The following SLC30A3 variants were observed in gnomAD, a reference collection of about 807,000 sequenced individuals.
SLC30A3 encodes the protein probable proton-coupled zinc antiporter SLC30A3.
SLC30A3 carries 20 observed loss-of-function variants against 35.6 expected under a neutral mutation model. The observed-to-expected ratio is 0.56, with a 90% CI of 0.39 to 0.82. The LOEUF (loss-of-function observed/expected upper bound fraction) is 0.82, where lower values mean the gene tolerates loss of function less well. Ranked by LOEUF, SLC30A3 falls within the 40% of genes least tolerant of loss-of-function variation. SLC30A3 has a pLI of 0.00. For missense variants in SLC30A3, 401 were observed against 530.6 expected, an observed-to-expected ratio of 0.76 and a Z score of 2.40; for synonymous variants, 217 against 224.7, an observed-to-expected ratio of 0.97 and a Z score of 0.31.
chr2:27,270,064 A>G (rs1007445902), intron 1 of SLC30A3, among the ~76,000 whole-genome samples: 4 of 152,220 alleles, frequency 2.6e-5, no homozygotes, highest in Non-Finnish European at 5.9e-5. Flanking sequence ...TTCCCAAAAC[A>G]TAACCTGATG....
In SLC30A3 at chr2:27,255,129, C is replaced by CACTTTGGT; in HGVS notation, c.*175_*182dup. Reference sequence around the variant, plus strand: ...CTGACTCCCACCCCACTCCCCGCCACACTTTGGTCTTGCCCACTGGGGCTG... The same window carrying CACTTTGGT: ...CTGACTCCCACCCCACTCCCCGCCACACTTTGGTACTTTGGTCTTGCCCACTGGGGCTG... On this transcript the variant is annotated 3_prime_UTR_variant, in exon 8 of 8. Transcript: ENST00000233535. The surrounding 1 kb of genome is among the most constrained non-coding windows in gnomAD (Gnocchi z 5.2). 1 of 1,552,736 alleles carries CACTTTGGT rather than the reference C, an allele frequency of 6.4e-7. No homozygotes were observed.
In SLC30A3 at chr2:27,256,297, T is replaced by C; in HGVS notation, c.1018+89A>G. 2.0e-6 allele frequency: 3 copies of C among 1,483,250 alleles called. No individual in the cohort carries two copies. The South Asian group carries it at 3.5e-5, about 17-fold the overall frequency. The allele number at this position is 1,483,250 out of a possible 1,614,324, so 91.9% of individuals were successfully genotyped here. On this transcript the variant is annotated intron_variant, in intron 7 of 7. Coordinates refer to ENST00000233535, the MANE Select transcript of SLC30A3 (RefSeq NM_003459.5). ...GAAACAGAGACAGATCAAAAAAGAC[T>C]GAAACAATTCCAGTAACTCAAGCTA... is the stretch of plus-strand genomic sequence containing the variant.
intron 6 of SLC30A3, 96 bp downstream of exon 6, chr2:27,256,692 C>G: frequency 7.8e-7 from 1 of 1,280,744 alleles, no homozygotes; most frequent in Non-Finnish European, 1.1e-6. Context: ...GCCAAGCCTT[C>G]TTCCCGTACT....
chr2:27,258,855 G>T lies in SLC30A3; in HGVS notation c.175C>A (p.Pro59Thr). 3.1e-6 allele frequency: 5 copies of T among 1,614,132 alleles called. No homozygotes were observed. The highest frequency in any genetic ancestry group is 4.2e-6 in the Non-Finnish European group (5 of 1,179,982). The change falls in exon 2 of 8, where the codon CCC (proline) becomes ACC (threonine). Residue 59 changes from proline (P) to threonine (T), a missense_variant. By Grantham distance (38) the Pro-to-Thr change is conservative. Transcript: ENST00000233535. This position sits in a 1 kb window ranked among gnomAD's most constrained non-coding sequence, Gnocchi z 4.0. ...GGGGTAAGGCCCGGCGGCGGAAGGG[G>T]GTCCCTGTGGCAGTGGTGGAAGGGC... ...EMPFHHCHRD[P>T]LPPPGLTPER...
At chr2:27,266,628 G>A (rs1348745421), upstream of SLC30A3, among the ~76,000 whole-genome samples, 2 of 152,170 alleles carry the variant, frequency 1.3e-5, no homozygotes. Flanking sequence ...CTGGCTGGTG[G>A]CTCACACCTA....
chr2:27,261,415 T>G (rs1184145030), intron 1 of SLC30A3, among the ~76,000 whole-genome samples: 1 of 152,096 alleles, frequency 6.6e-6, no homozygotes, highest in Non-Finnish European at 1.5e-5. Context: ...AATGGTCATA[T>G]GAGTGAAGAT....
At chr2:27,273,051 A>AAT (rs1553376592) in intron 1 of SLC30A3, among the ~76,000 whole-genome samples, 5,654 of 145,266 alleles carry the variant, frequency 0.039, 349 homozygotes, top group African/African-American at 0.12. Context: ...AAAAAAAAAA[A>AAT]ATATATATAT....
intron 6 of SLC30A3, 113 bp downstream of exon 6, chr2:27,256,675 C>G (rs76881617): frequency 1.6e-6 from 2 of 1,285,674 alleles, no homozygotes; most frequent in Non-Finnish European, 2.2e-6. Flanking sequence ...AGCAGCAGAC[C>G]CCATGAGCCA....
Position 27,258,608 on chromosome 2 carries a change from T to C in SLC30A3, c.277+145A>G. On this transcript the variant is annotated intron_variant, in intron 2 of 7. Transcript: ENST00000233535. This position sits in a 1 kb window ranked among gnomAD's most constrained non-coding sequence, Gnocchi z 4.0. ...TGTTGCTGTCCCTTATCCCTCCTACTTCCTGAGTCCTGGGCACCCAGCTCC... is the reference window on the plus strand; with the variant it reads ...TGTTGCTGTCCCTTATCCCTCCTACCTCCTGAGTCCTGGGCACCCAGCTCC... 1.1e-6 allele frequency: 1 copy of C among 893,346 alleles called. No homozygotes were observed. Among genetic ancestry groups the C allele is most frequent in the Non-Finnish European group, 1.7e-6 (1 of 578,710 alleles). The allele number at this position is 893,346 out of a possible 1,614,324, so 55.3% of individuals were successfully genotyped here.
chr2:27,256,412 T>A lies in SLC30A3; in HGVS notation c.992A>T (p.His331Leu), dbSNP rs374976347. The A allele has an allele frequency of 2.7e-5, 43 of 1,613,908 alleles. No individual in the cohort carries two copies. The highest frequency in any genetic ancestry group is 3.5e-5 in the Non-Finnish European group (41 of 1,180,012). Residue 331 changes from histidine to leucine, a missense_variant, in exon 7 of 8, where the codon CAT becomes CTT. This residue lies in a region of SLC30A3 where 296 missense variants were observed against 392.6 expected (regional missense o/e 0.75). Coordinates refer to ENST00000233535, the MANE Select transcript of SLC30A3 (RefSeq NM_003459.5). ...LHLWALTLTY[H>L]VASAHLAIDS... ...GATGGCCAGGTGTGCAGAGGCAACA[T>A]GGTAAGTGAGCGTAAGGGCCCACAG...
chr2:27,262,673 TGAAGCGGG>T lies in SLC30A3; in HGVS notation c.95+131_95+138del. On this transcript the variant is annotated intron_variant, in intron 1 of 7. Coordinates refer to ENST00000233535, the MANE Select transcript of SLC30A3 (RefSeq NM_003459.5). The surrounding 1 kb of genome is among the most constrained non-coding windows in gnomAD (Gnocchi z 7.5). ...GGGCGCTCCGTGTGGCCAGAGGGGA[TGAAGCGGG>T]GTGCAGCGGAGCGAGGGACCCGCGG... 1.2e-6 allele frequency: 1 copy of T among 811,364 alleles called. No individual in the cohort carries two copies. Among genetic ancestry groups the T allele is most frequent in the South Asian group, 2.2e-5 (1 of 45,970 alleles). The allele number at this position is 811,364 out of a possible 1,614,324, so 50.3% of individuals were successfully genotyped here. A position where few individuals can be genotyped will look rare whatever the true frequency, so the allele number is the denominator to read the frequency against.
At chr2:27,268,782 T>G (rs994322465) in intron 1 of SLC30A3, among the ~76,000 whole-genome samples, 3 of 151,442 alleles carry the variant, frequency 2.0e-5, no homozygotes, top group African/African-American at 7.3e-5. Flanking sequence ...TTTGAAGGGG[T>G]AAATTGGCAT....
chr2:27,275,126 G>T, intron 1 of SLC30A3: 1 of 1,233,148 alleles, frequency 8.1e-7, no homozygotes, highest in Non-Finnish European at 1.1e-6. Flanking sequence ...AAGTCCTGAA[G>T]ACAACTGGGA....
chr2:27,274,271 G>C (rs1180705782), intron 1 of SLC30A3, among the ~76,000 whole-genome samples: 1 of 152,178 alleles, frequency 6.6e-6, no homozygotes, highest in African/African-American at 2.4e-5. Context: ...GTTCCAGTGA[G>C]CAGACATTGT....
In SLC30A3 at chr2:27,257,011, A is replaced by C; in HGVS notation, c.778-118T>G. On this transcript the variant is annotated intron_variant, in intron 5 of 7. Transcript: ENST00000233535. The surrounding 1 kb of genome is among the most constrained non-coding windows in gnomAD (Gnocchi z 4.7). ...TCAAAACCCTGAAGAGGGGACAGGG[A>C]ACATGACTCATGTCTGGGAGAGTCC... The C allele has an allele frequency of 9.0e-7, 1 of 1,116,830 alleles. No homozygotes were observed. The highest frequency in any genetic ancestry group is 1.3e-6 in the Non-Finnish European group (1 of 743,068). The allele number at this position is 1,116,830 out of a possible 1,614,324, so 69.2% of individuals were successfully genotyped here.
At chr2:27,274,527 A>G (rs932540271) in intron 1 of SLC30A3, among the ~76,000 whole-genome samples, 1 of 152,198 alleles carries the variant, frequency 6.6e-6, no homozygotes, top group East Asian at 1.9e-4. Context: ...GTAGTAAATT[A>G]TAAGTGATGC....
chr2:27,261,046 C>T lies in SLC30A3; in HGVS notation c.95+1766G>A, dbSNP rs558591867. On this transcript the variant is annotated intron_variant, in intron 1 of 7. Transcript: ENST00000233535. Reference sequence around the variant, plus strand: ...TTGGGGTGCAGGGAAGGGAGCACTCCCTCACAGCGGGCTCGGAGAACTTCA... The same window carrying T: ...TTGGGGTGCAGGGAAGGGAGCACTCTCTCACAGCGGGCTCGGAGAACTTCA... Among the ~76,000 whole-genome samples, 19 of 152,208 alleles carry T rather than the reference C, an allele frequency of 1.2e-4. No individual in the cohort carries two copies. The South Asian group carries it at 3.9e-3, about 32-fold the overall frequency.
chr2:27,261,716 G>C (rs1029558434), intron 1 of SLC30A3, among the ~76,000 whole-genome samples: 3 of 152,050 alleles, frequency 2.0e-5, no homozygotes, highest in African/African-American at 7.2e-5. Flanking sequence ...GATATTGAGC[G>C]GGGAAGAGGG....
intron 1 of SLC30A3, among the ~76,000 whole-genome samples, chr2:27,272,790 G>A (rs1247665930): frequency 2.0e-5 from 3 of 151,586 alleles, no homozygotes; most frequent in South Asian, 4.2e-4. Flanking sequence ...GGTGGCTCAC[G>A]CCTGTAATCC....
Sources: allele counts gnomAD v4.1 joint callset (sites outside exome capture counted in the v4.1 genomes callset), GRCh38; gene constraint gnomAD v4.1.1; regional missense constraint gnomAD v4.1.1; non-coding constraint Gnocchi (gnomAD v3.1); transcripts MANE v1.5; gene names NCBI Gene and HGNC (gene_info 2026-07-23, HGNC 2026-07-21).